ITSN2: variants seen among roughly 807,000 people sequenced by gnomAD.
ITSN2 encodes intersectin-2.
Under a neutral mutation model 243.7 loss-of-function variants are expected in ITSN2, and 156 were observed. That is an observed-to-expected ratio of 0.64 (90% CI 0.56 to 0.73). The LOEUF is 0.73. Ranked by LOEUF, ITSN2 falls within the 30% of genes least tolerant of loss-of-function variation. ITSN2 has a pLI of 0.00. For synonymous variants in ITSN2, 703 were observed against 699.9 expected, an observed-to-expected ratio of 1.00 and a Z score of -0.07; for missense variants, 1,801 against 1,996.1, an observed-to-expected ratio of 0.90 and a Z score of 1.86.
At chr2:24,244,358 G>A (rs888903009) in intron 29 of ITSN2, among the ~76,000 whole-genome samples, 1 of 152,160 alleles carries the variant, frequency 6.6e-6, no homozygotes, top group Admixed American at 6.5e-5. Context: ...ATAGGCGGGG[G>A]AAAGGTATAA....
At chr2:24,294,812 T>C (rs1389659062) in intron 14 of ITSN2, among the ~76,000 whole-genome samples, 3 of 152,302 alleles carry the variant, frequency 2.0e-5, no homozygotes, top group African/African-American at 7.2e-5. Flanking sequence ...TAACTCCCAA[T>C]GCAGTACTAT....
chr2:24,283,864 G>A (rs1196810048), intron 17 of ITSN2, among the ~76,000 whole-genome samples: 1 of 152,204 alleles, frequency 6.6e-6, no homozygotes, highest in Non-Finnish European at 1.5e-5. Context: ...ACTTAGTTTA[G>A]TTTCTATGCA....
At chr2:24,346,860 C>CTTTTTTTT (rs10534968) in intron 1 of ITSN2, among the ~76,000 whole-genome samples, 2 of 86,340 alleles carry the variant, frequency 2.3e-5, no homozygotes, top group African/African-American at 9.2e-5. Context: ...GGAAATTTAT[C>CTTTTTTTT]TTTTTTTTTT....
rs770261977 is a variant in ITSN2 at position 24,217,985 on chromosome 2, C to A, written c.3728G>T (p.Gly1243Val). ...GGCCATCTCCCCTTCAGTGAGAAAG[C>A]CTGACTCTGCCATGCGTTTCTGAAA... ...EVFQKRMAESGFLTEGEMALI... is the reference protein window; with the variant it reads ...EVFQKRMAESVFLTEGEMALI... The change falls in exon 31 of 40, where the codon GGC becomes GTC. Residue 1243 changes from glycine (G) to valine (V), a missense_variant. By Grantham distance (109) the Gly-to-Val change is moderately radical. Transcript: ENST00000355123. 1 of 1,613,854 alleles carries A rather than the reference C, an allele frequency of 6.2e-7. No individual in the cohort carries two copies. The highest frequency in any genetic ancestry group is 8.5e-7 in the Non-Finnish European group (1 of 1,179,882).
chr2:24,325,247 A>C (rs549108828), intron 2 of ITSN2, among the ~76,000 whole-genome samples: 70 of 151,914 alleles, frequency 4.6e-4, no homozygotes, highest in Non-Finnish European at 6.8e-4. Context: ...CCATGTCTAC[A>C]AAAAATCTAA....
chr2:24,211,603 G>A lies in ITSN2; in HGVS notation c.4090-656C>T, dbSNP rs1669501677. ...GGACTCTCTCACTCTAGTCAGATGA[G>A]TGCACAGTCCTTCATTTACAATTCT... On this transcript the variant is annotated intron_variant, in intron 33 of 39. Transcript: ENST00000355123. This position sits in a 1 kb window ranked among gnomAD's most constrained non-coding sequence, Gnocchi z 4.1. 6.6e-6 allele frequency among the ~76,000 whole-genome samples: 1 copy of A among 152,126 alleles called. No individual in the cohort carries two copies. The highest frequency in any genetic ancestry group is 1.5e-5 in the Non-Finnish European group (1 of 68,046).
At chr2:24,259,899 A>G (rs959032807) in intron 22 of ITSN2, among the ~76,000 whole-genome samples, 1 of 152,104 alleles carries the variant, frequency 6.6e-6, no homozygotes, top group African/African-American at 2.4e-5. Flanking sequence ...TTAGATTATG[A>G]TCTACTGAAT....
chr2:24,306,593 T>A (rs1336465053), intron 8 of ITSN2, among the ~76,000 whole-genome samples: 1 of 152,242 alleles, frequency 6.6e-6, no homozygotes, highest in Non-Finnish European at 1.5e-5. Flanking sequence ...CATTTATCTA[T>A]TCTCCTGTCG....
At chr2:24,258,407 A>G (rs1422699199) in intron 22 of ITSN2, among the ~76,000 whole-genome samples, 1 of 152,242 alleles carries the variant, frequency 6.6e-6, no homozygotes, top group Non-Finnish European at 1.5e-5. Flanking sequence ...CAAATGAAAA[A>G]GGAATGTTAC....
intron 1 of ITSN2, among the ~76,000 whole-genome samples, chr2:24,351,827 A>C (rs1194267399): frequency 3.9e-5 from 6 of 152,188 alleles, no homozygotes; most frequent in Admixed American, 3.9e-4. Flanking sequence ...AGTAACCCTT[A>C]TTTTACTTAA....
At chr2:24,302,190 T>TTTAG (rs1681856158) in intron 9 of ITSN2, 88 bp from the exon 10 acceptor site, 6 of 608,766 alleles carry the variant, frequency 9.9e-6, no homozygotes, top group Non-Finnish European at 1.4e-5. Flanking sequence ...TTTACTTTTA[T>TTTAG]TTATTTATTT....
At chr2:24,338,191 T>C (rs1340856937) in intron 1 of ITSN2, among the ~76,000 whole-genome samples, 1 of 152,210 alleles carries the variant, frequency 6.6e-6, no homozygotes, top group African/African-American at 2.4e-5. Context: ...ATGATAAAAC[T>C]TTAGTGTTTA....
chr2:24,325,130 T>A (rs1685019916), intron 2 of ITSN2, among the ~76,000 whole-genome samples: 1 of 152,002 alleles, frequency 6.6e-6, no homozygotes, highest in Admixed American at 6.6e-5. Flanking sequence ...ATAACACTGG[T>A]CAGGTGTGAT....
At chr2:24,214,017 G>C (rs1669733016) in intron 32 of ITSN2, among the ~76,000 whole-genome samples, 1 of 152,192 alleles carries the variant, frequency 6.6e-6, no homozygotes, top group African/African-American at 2.4e-5. Flanking sequence ...TCCTTTTATA[G>C]ATGAGGGGAC....
chr2:24,337,135 G>C (rs1442648659), intron 1 of ITSN2, among the ~76,000 whole-genome samples: 1 of 149,930 alleles, frequency 6.7e-6, no homozygotes, highest in African/African-American at 2.5e-5. Context: ...TTTATCGAGA[G>C]TGAGGAAGGC....
chr2:24,263,652 A>C (rs1415141464), intron 20 of ITSN2, among the ~76,000 whole-genome samples: 2 of 152,178 alleles, frequency 1.3e-5, no homozygotes, highest in Non-Finnish European at 2.9e-5. Flanking sequence ...ACATTTTCTA[A>C]AATTGTATAT....
At position 24,360,442 on chromosome 2, in the gene ITSN2, C is replaced by T. The variant is rs1427853580; in HGVS notation, c.-172G>A. 1.3e-5 allele frequency: 2 copies of T among 152,444 alleles called. No individual in the cohort carries two copies. The highest frequency in any genetic ancestry group is 2.9e-5 in the Non-Finnish European group (2 of 68,290). 9.4% of individuals were successfully genotyped at this position (152,444 alleles called of 1,614,324 possible). A position where few individuals can be genotyped will look rare whatever the true frequency, so the allele number is the denominator to read the frequency against. ...ACTGCAGCTGGCTTGGTCGTCAGGC[C>T]GCCGCCCGCGAACCTGTTGCGTAGC... On this transcript the variant is annotated 5_prime_UTR_variant, in exon 1 of 40. Transcript: ENST00000355123.
At chr2:24,227,980 C>T (rs1671211853) in intron 29 of ITSN2, among the ~76,000 whole-genome samples, 1 of 151,940 alleles carries the variant, frequency 6.6e-6, no homozygotes, top group Non-Finnish European at 1.5e-5. Context: ...ACAGGTAGTC[C>T]AGGAGAAGGG....
intron 37 of ITSN2, among the ~76,000 whole-genome samples, chr2:24,207,454 G>A (rs994631531): frequency 6.6e-6 from 1 of 152,140 alleles, no homozygotes; most frequent in African/African-American, 2.4e-5. Context: ...GAGCAGCGGG[G>A]CAGGTGGTTC....
Sources: allele counts gnomAD v4.1 joint callset (sites outside exome capture counted in the v4.1 genomes callset), GRCh38; gene constraint gnomAD v4.1.1; non-coding constraint Gnocchi (gnomAD v3.1); transcripts MANE v1.5; gene names NCBI Gene and HGNC (gene_info 2026-07-23, HGNC 2026-07-21).